The following ZNF676 variants were observed in gnomAD, a reference collection of about 807,000 sequenced individuals.
ZNF676 encodes zinc finger protein 676.
A neutral mutation model predicts 6.0 loss-of-function variants in ZNF676; 4 were observed. That is an observed-to-expected ratio of 0.67 (90% confidence interval 0.33 to 1.53). The LOEUF is 1.53. Among genes scored for constraint, ZNF676 ranks in the 40% most tolerant of loss-of-function variants. ZNF676 has a pLI of 0.06. For synonymous variants in ZNF676, 198 were observed against 223.1 expected, an observed-to-expected ratio of 0.89 and a Z score of 1.00; for missense variants, 644 against 679.7, an observed-to-expected ratio of 0.95 and a Z score of 0.58.
chr19:22,246,875 T>A, the ZNF676 span, among the ~76,000 whole-genome samples: 3 of 152,372 alleles, frequency 2.0e-5, no homozygotes, highest in Admixed American at 2.0e-4. Flanking sequence ...AAAGCCAATT[T>A]AAGAGACAAG....
chr19:22,189,763 A>G (rs916137814), intron 2 of ZNF676, among the ~76,000 whole-genome samples: 1 of 152,198 alleles, frequency 6.6e-6, no homozygotes, highest in African/African-American at 2.4e-5. Flanking sequence ...GAACAGACAC[A>G]TGAAAAAAAG....
chr19:22,197,080 T>C (rs986412781), upstream of ZNF676: 5 of 218,140 alleles, frequency 2.3e-5, no homozygotes, highest in African/African-American at 1.2e-4. Flanking sequence ...CCCAGCACTT[T>C]GGGAGGCTGA....
At chr19:22,227,351 A>C in the ZNF676 span, among the ~76,000 whole-genome samples, 1 of 152,208 alleles carries the variant, frequency 6.6e-6, no homozygotes, top group Non-Finnish European at 1.5e-5. Context: ...TCTGGGTCAC[A>C]GACAAAGCAG....
At chr19:22,218,143 G>T (rs1360899644), upstream of ZNF676, among the ~76,000 whole-genome samples, 1 of 151,928 alleles carries the variant, frequency 6.6e-6, no homozygotes, top group African/African-American at 2.4e-5. Flanking sequence ...TTTGAGAATT[G>T]TTTAAGTCCC....
chr19:22,217,835 C>A (rs1013894330), upstream of ZNF676, among the ~76,000 whole-genome samples: 2 of 151,944 alleles, frequency 1.3e-5, no homozygotes, highest in Admixed American at 1.3e-4. Flanking sequence ...TCTGGAGTAG[C>A]AGGGATTACG....
the ZNF676 span, among the ~76,000 whole-genome samples, chr19:22,247,350 C>T: frequency 3.5e-4 from 53 of 150,078 alleles, no homozygotes; most frequent in African/African-American, 1.1e-3. Flanking sequence ...GATTACCTGA[C>T]GTCAGAAGTT....
At chr19:22,218,295 A>C (rs111684505), upstream of ZNF676, among the ~76,000 whole-genome samples, 1 of 151,794 alleles carries the variant, frequency 6.6e-6, no homozygotes, top group South Asian at 2.1e-4. Context: ...ATCCATCTTG[A>C]GTTGATTTTT....
intron 1 of ZNF676, among the ~76,000 whole-genome samples, chr19:22,212,315 A>C (rs1382052605): frequency 2.0e-5 from 3 of 152,186 alleles, no homozygotes; most frequent in Non-Finnish European, 4.4e-5. Flanking sequence ...ATATATAATT[A>C]GATATTATTT....
intron 1 of ZNF676, among the ~76,000 whole-genome samples, chr19:22,205,058 T>G (rs1386137750): frequency 6.6e-6 from 1 of 152,148 alleles, no homozygotes; most frequent in Non-Finnish European, 1.5e-5. Flanking sequence ...CTCTTGGACA[T>G]CTGAATTTTG....
At chr19:22,198,125 A>G (rs919130674), upstream of ZNF676, among the ~76,000 whole-genome samples, 1 of 152,168 alleles carries the variant, frequency 6.6e-6, no homozygotes, top group Non-Finnish European at 1.5e-5. Flanking sequence ...GCATAGACAT[A>G]ATAAAGAACA....
At chr19:22,196,136 C>G (rs1336083713) in intron 1 of ZNF676, among the ~76,000 whole-genome samples, 4 of 152,222 alleles carry the variant, frequency 2.6e-5, no homozygotes, top group African/African-American at 9.6e-5. Flanking sequence ...GAGCTGAATG[C>G]CTGAGTGTTG....
chr19:22,215,765 A>C, exon 1 of ZNF676: 1 of 1,211,060 alleles, frequency 8.3e-7, no homozygotes, highest in Non-Finnish European at 1.2e-6. Context: ...AGCGAGAGAC[A>C]AAGGACCGAC....
the ZNF676 span, among the ~76,000 whole-genome samples, chr19:22,225,740 T>C: frequency 1.3e-5 from 2 of 151,978 alleles, no homozygotes; most frequent in Non-Finnish European, 1.5e-5. Context: ...TTCCCATTTA[T>C]GCTTTTGATA....
chr19:22,251,953 A>C, the ZNF676 span, among the ~76,000 whole-genome samples: 8 of 152,194 alleles, frequency 5.3e-5, no homozygotes, highest in East Asian at 1.5e-3. Flanking sequence ...ATTTTACTTT[A>C]CTGTTGTGGA....
chr19:22,215,686 T>C (rs996175600), exon 1 of ZNF676: 30 of 1,598,622 alleles, frequency 1.9e-5, no homozygotes, highest in Non-Finnish European at 2.5e-5. Context: ...TCCCAATACC[T>C]GCAGGTCATA....
the ZNF676 span, among the ~76,000 whole-genome samples, chr19:22,242,188 C>T: frequency 2.6e-4 from 39 of 151,912 alleles, no homozygotes; most frequent in Middle Eastern, 3.2e-3. Flanking sequence ...ATGTAACAAT[C>T]CCATTTGTCA....
the ZNF676 span, among the ~76,000 whole-genome samples, chr19:22,230,815 C>A: frequency 4.0e-5 from 6 of 151,840 alleles, no homozygotes; most frequent in Non-Finnish European, 7.4e-5. Flanking sequence ...TCCGCCACCA[C>A]ACCCGGCTAA....
intron 2 of ZNF676, among the ~76,000 whole-genome samples, chr19:22,187,905 A>G (rs1159592964): frequency 1.3e-5 from 2 of 152,068 alleles, no homozygotes; most frequent in African/African-American, 4.8e-5. Flanking sequence ...AATGTCCAGA[A>G]TCTGATGGAT....
the ZNF676 span, among the ~76,000 whole-genome samples, chr19:22,253,811 T>G: frequency 6.6e-6 from 1 of 152,138 alleles, no homozygotes; most frequent in Non-Finnish European, 1.5e-5. Flanking sequence ...GTTGGTGGTA[T>G]GTGCATATAA....
Sources: allele counts gnomAD v4.1 joint callset (sites outside exome capture counted in the v4.1 genomes callset), GRCh38; gene constraint gnomAD v4.1.1; transcripts MANE v1.5; gene names NCBI Gene and HGNC (gene_info 2026-07-23, HGNC 2026-07-21).